The following MGMT variants were observed in gnomAD, a reference collection of about 807,000 sequenced individuals.
The protein encoded by MGMT is methylated-DNA--protein-cysteine methyltransferase.
In MGMT, 14 loss-of-function variants were observed where a neutral mutation model predicts 15.9. The ratio of observed to expected loss-of-function variants is 0.88; its 90% CI spans 0.58 to 1.37. The LOEUF (loss-of-function observed/expected upper bound fraction) is 1.37, where lower values mean the gene tolerates loss of function less well. MGMT is among the 40% of genes most tolerant of loss of function. The pLI is 0.00. For missense variants in MGMT, 282 were observed against 268.1 expected (o/e 1.05, Z -0.36); for synonymous variants, 130 against 118.2 (o/e 1.10, Z -0.65).
chr10:129,543,667 C>T (rs1191203888), intron 2 of MGMT, among the ~76,000 whole-genome samples: 1 of 151,760 alleles, frequency 6.6e-6, no homozygotes, highest in Non-Finnish European at 1.5e-5. Context: ...ATTTAGGGTC[C>T]TTATGTGCTG....
intron 2 of MGMT, among the ~76,000 whole-genome samples, chr10:129,561,349 G>A (rs1477903926): frequency 2.0e-5 from 3 of 152,052 alleles, no homozygotes; most frequent in Non-Finnish European, 4.4e-5. Context: ...CGAGGAGGTC[G>A]GGAAGGAGCC....
At chr10:129,514,106 C>T (rs949811470) in intron 1 of MGMT, among the ~76,000 whole-genome samples, 3 of 152,192 alleles carry the variant, frequency 2.0e-5, no homozygotes, top group Non-Finnish European at 4.4e-5. Flanking sequence ...AGAATTCATT[C>T]TGCTGCAATT....
chr10:129,761,753 C>T (rs567936681), intron 4 of MGMT, among the ~76,000 whole-genome samples: 4 of 152,312 alleles, frequency 2.6e-5, no homozygotes, highest in South Asian at 2.1e-4. Flanking sequence ...CACCAAGTCT[C>T]GCCCTTCTCG....
Position 129,631,545 on chromosome 10 carries a change from C to T in MGMT, c.126-76350C>T, listed in dbSNP as rs151048453. On this transcript the variant is annotated intron_variant, in intron 2 of 4. Transcript: ENST00000651593. ...AGTATAAAGAAATTAAAAATTTGGA[C>T]GGTGTGGTGGCTCACGCCGGTAATC... Among the ~76,000 whole-genome samples, 914 of 152,284 alleles carry T rather than the reference C, an allele frequency of 6.0e-3. 9 individuals carry two copies. The highest frequency in any genetic ancestry group is 0.021 in the African/African-American group (861 of 41,560).
intron 1 of MGMT, among the ~76,000 whole-genome samples, chr10:129,504,256 T>C (rs1021540075): frequency 1.3e-5 from 2 of 152,258 alleles, no homozygotes; most frequent in Non-Finnish European, 1.5e-5. Flanking sequence ...TTTTGTTTAT[T>C]GGACATTCAT....
chr10:129,498,112 C>T (rs1020595864), intron 1 of MGMT, among the ~76,000 whole-genome samples: 4 of 152,174 alleles, frequency 2.6e-5, no homozygotes, highest in African/African-American at 9.7e-5. Flanking sequence ...TTTGGGTTTG[C>T]TGATGTTGTC....
At chr10:129,481,722 C>G (rs760774575) in intron 1 of MGMT, among the ~76,000 whole-genome samples, 5 of 152,028 alleles carry the variant, frequency 3.3e-5, no homozygotes, top group South Asian at 2.1e-4. Flanking sequence ...AATTTATTGG[C>G]CTAAAGTTAT....
intron 1 of MGMT, among the ~76,000 whole-genome samples, chr10:129,512,594 G>T (rs1194504636): frequency 1.3e-5 from 2 of 152,148 alleles, no homozygotes; most frequent in Non-Finnish European, 2.9e-5. Flanking sequence ...GAAAGTGAGT[G>T]CCTGGCATGA....
intron 4 of MGMT, among the ~76,000 whole-genome samples, chr10:129,763,372 C>T (rs1007471100): frequency 6.6e-6 from 1 of 152,134 alleles, no homozygotes; most frequent in African/African-American, 2.4e-5. Context: ...CAAACAGAAG[C>T]AGCGTTCCCT....
intron 1 of MGMT, among the ~76,000 whole-genome samples, chr10:129,515,199 G>A (rs192965947): frequency 1.8e-4 from 28 of 152,318 alleles, no homozygotes; most frequent in Admixed American, 5.2e-4. Context: ...CTGGTGTCTC[G>A]TCTGAGAGGA....
chr10:129,666,562 A>G (rs1847661534), intron 2 of MGMT, among the ~76,000 whole-genome samples: 1 of 152,130 alleles, frequency 6.6e-6, no homozygotes, highest in Admixed American at 6.5e-5. Context: ...TGAAATTACT[A>G]ATTTATTATT....
chr10:129,494,066 A>C (rs1231438299), intron 1 of MGMT, among the ~76,000 whole-genome samples: 1 of 152,212 alleles, frequency 6.6e-6, no homozygotes, highest in Non-Finnish European at 1.5e-5. Context: ...GGGCAATTTC[A>C]TATCTGAGAC....
chr10:129,653,397 T>C (rs1390157880), intron 2 of MGMT, among the ~76,000 whole-genome samples: 1 of 152,246 alleles, frequency 6.6e-6, no homozygotes, highest in Non-Finnish European at 1.5e-5. Flanking sequence ...CAGTAACTGC[T>C]CAGTTTCACA....
chr10:129,767,002 G>A lies in MGMT; in HGVS notation c.*5G>A, dbSNP rs747740893. On this transcript the variant is annotated 3_prime_UTR_variant, in exon 5 of 5. Transcript: ENST00000651593. The stretch of plus-strand genomic sequence containing the variant: ...CCGCCTGCTGGCCGAAACTGAGTAT[G>A]TGCAGTAGGATGGATGTTTGAGCGA... 1.9e-6 allele frequency: 3 copies of A among 1,586,246 alleles called. No individual in the cohort carries two copies. The highest frequency in any genetic ancestry group is 1.2e-5 in the South Asian group (1 of 86,806).
intron 2 of MGMT, among the ~76,000 whole-genome samples, chr10:129,551,174 C>G (rs546603029): frequency 6.6e-6 from 1 of 152,298 alleles, no homozygotes; most frequent in South Asian, 2.1e-4. Flanking sequence ...GGGGAGGTAT[C>G]TTTAGTAAAA....
intron 3 of MGMT, among the ~76,000 whole-genome samples, chr10:129,718,059 G>T (rs541470992): frequency 6.6e-6 from 1 of 152,176 alleles, no homozygotes; most frequent in Non-Finnish European, 1.5e-5. Context: ...TTCTGTGTTA[G>T]CCAGCTGACC....
intron 2 of MGMT, among the ~76,000 whole-genome samples, chr10:129,602,859 T>C (rs914051592): frequency 6.6e-6 from 1 of 152,120 alleles, no homozygotes; most frequent in African/African-American, 2.4e-5. Context: ...GCTTCGGGAA[T>C]GTCTGCAAGT....
At chr10:129,765,058 C>A (rs1344565760) in intron 4 of MGMT, among the ~76,000 whole-genome samples, 2 of 152,148 alleles carry the variant, frequency 1.3e-5, no homozygotes, top group South Asian at 4.2e-4. Context: ...GCCCTGGCTC[C>A]TGTGGTCATG....
chr10:129,562,386 C>G (rs1179552273), intron 2 of MGMT, among the ~76,000 whole-genome samples: 1 of 152,202 alleles, frequency 6.6e-6, no homozygotes, highest in Non-Finnish European at 1.5e-5. Flanking sequence ...CAGTGGGCTG[C>G]CATGGCCCTG....
Sources: allele counts gnomAD v4.1 joint callset (sites outside exome capture counted in the v4.1 genomes callset), GRCh38; gene constraint gnomAD v4.1.1; transcripts MANE v1.5; gene names NCBI Gene and HGNC (gene_info 2026-07-23, HGNC 2026-07-21).